RAD50: variants seen among roughly 807,000 people sequenced by gnomAD.
The protein encoded by RAD50 is RAD50 double strand break repair protein.
Under a neutral mutation model 168.8 loss-of-function variants are expected in RAD50, and 132 were observed. That is an observed-to-expected ratio of 0.78 (90% confidence interval 0.68 to 0.90). The LOEUF (loss-of-function observed/expected upper bound fraction) is 0.90. Among genes scored for constraint, RAD50 ranks in the 40% least tolerant of loss-of-function variants. The pLI is 0.00. For missense variants in RAD50, 1,347 were observed against 1,534.4 expected, an observed-to-expected ratio of 0.88 and a Z score of 2.04; for synonymous variants, 525 against 497.4, an observed-to-expected ratio of 1.06 and a Z score of -0.74.
At chr5:132,622,012 C>T (rs1010606329) in intron 21 of RAD50, among the ~76,000 whole-genome samples, 3 of 152,086 alleles carry the variant, frequency 2.0e-5, no homozygotes, top group Admixed American at 2.0e-4. Context: ...CATTGCTTAA[C>T]CCCTCTTGCA....
chr5:132,579,823 C>G, intron 4 of RAD50, 39 bp from the exon 5 acceptor site: 1 of 1,514,934 alleles, frequency 6.6e-7, no homozygotes, highest in African/African-American at 1.4e-5. Context: ...CCATAATTTA[C>G]TTTGCCAGAA....
At chr5:132,577,802 A>AT (rs923754085) in intron 3 of RAD50, among the ~76,000 whole-genome samples, 1,589 of 84,370 alleles carry the variant, frequency 0.019, 150 homozygotes, top group African/African-American at 0.042. Flanking sequence ...CCCATTTCTG[A>AT]TTTTTTTTTT....
At chr5:132,617,990 TA>T in intron 20 of RAD50, 79 bp from the exon 21 acceptor site, 1 of 1,149,826 alleles carries the variant, frequency 8.7e-7, no homozygotes, top group Non-Finnish European at 1.3e-6. Flanking sequence ...TTAACCTATC[TA>T]AAGAAATCTA....
chr5:132,638,364 G>A, intron 23 of RAD50, 141 bp downstream of exon 23: 1 of 993,832 alleles, frequency 1.0e-6, no homozygotes, highest in Non-Finnish European at 1.5e-6. Flanking sequence ...ATCAGGCTCA[G>A]CTACTATTAT....
chr5:132,644,140 A>G lies in RAD50; in HGVS notation c.*1776A>G. 5.4e-6 allele frequency: 1 copy of G among 185,608 alleles called. No homozygotes were observed. The highest frequency in any genetic ancestry group is 8.8e-5 in the East Asian group (1 of 11,352). 11.5% of individuals were successfully genotyped at this position (185,608 alleles called of 1,614,324 possible). A position where few individuals can be genotyped will look rare whatever the true frequency, so the allele number is the denominator to read the frequency against. On this transcript the variant is annotated 3_prime_UTR_variant, in exon 25 of 25. Coordinates refer to ENST00000378823, the MANE Select transcript of RAD50 (RefSeq NM_005732.4). ...ATAACAAAGGCAATACACGATCAAT[A>G]TAGGCAGTGAAACAAAAGTATCATT...
At chr5:132,558,715 CCACA>C (rs1750062619) in intron 1 of RAD50, among the ~76,000 whole-genome samples, 4 of 121,186 alleles carry the variant, frequency 3.3e-5, no homozygotes, top group African/African-American at 1.3e-4. Context: ...CTCTCTCCCC[CCACA>C]AAAAAAAAAA....
intron 21 of RAD50, among the ~76,000 whole-genome samples, chr5:132,619,907 T>C (rs1278970011): frequency 1.5e-5 from 2 of 132,716 alleles, no homozygotes; most frequent in African/African-American, 3.4e-5. Context: ...GAGAGAGATA[T>C]ATCTTTTTTT....
At chr5:132,588,128 G>C (rs1007650941) in intron 7 of RAD50, 39 bp downstream of exon 7, 18 of 1,569,880 alleles carry the variant, frequency 1.1e-5, no homozygotes, top group Non-Finnish European at 1.4e-5. Flanking sequence ...TTCCTACTAT[G>C]ATGTTATACA....
In RAD50 at chr5:132,557,315, G is replaced by T. The variant is rs1750017787; in HGVS notation, c.-10G>T. 1 of 1,614,156 alleles carries T rather than the reference G, an allele frequency of 6.2e-7. No homozygotes were observed. The highest frequency in any genetic ancestry group is 2.2e-5 in the East Asian group (1 of 44,886). On this transcript the variant is annotated 5_prime_UTR_variant, in exon 1 of 25. Coordinates refer to ENST00000378823, the MANE Select transcript of RAD50 (RefSeq NM_005732.4). Reference sequence around the variant, plus strand: ...CCAGGTCCCTGGTGAGATTAGAAACGTTTGCAAACATGTCCCGGATCGAAA... The same window carrying T: ...CCAGGTCCCTGGTGAGATTAGAAACTTTTGCAAACATGTCCCGGATCGAAA...
intron 12 of RAD50, 66 bp from the exon 13 acceptor site, chr5:132,595,507 C>A: frequency 1.0e-6 from 1 of 997,758 alleles, no homozygotes; most frequent in Non-Finnish European, 1.6e-6. Context: ...AAGATACAAC[C>A]GTATTCAGAA....
chr5:132,635,617 G>A (rs549070116), intron 21 of RAD50, among the ~76,000 whole-genome samples: 10 of 152,230 alleles, frequency 6.6e-5, no homozygotes, highest in Non-Finnish European at 1.3e-4. Flanking sequence ...GACTGCACGT[G>A]TGCGCCTTGG....
rs780078592 is a variant in RAD50, at chr5:132,608,620, T to G, written c.2724T>G (p.Ala908=). The G allele has an allele frequency of 1.9e-6, 3 of 1,581,710 alleles. No individual in the cohort carries two copies. In the Admixed American group the frequency reaches 5.1e-5, roughly 27 times the overall value. Reference sequence around the variant, plus strand: ...TATCTTTTTTATATTTTTAGGATGCTAAAGAGCAGGTAAGCCCTTTGGAAA... The same window carrying G: ...TATCTTTTTTATATTTTTAGGATGCGAAAGAGCAGGTAAGCCCTTTGGAAA... ...VQSLYREIKD[A]KEQVSPLETT... is the part of the protein sequence containing the mutation. Residue 908 remains alanine, a synonymous_variant, in exon 17 of 25, where the codon GCT becomes GCG. Transcript: ENST00000378823.
At chr5:132,568,228 G>T (rs572281084) in intron 2 of RAD50, among the ~76,000 whole-genome samples, 20 of 152,060 alleles carry the variant, frequency 1.3e-4, no homozygotes, top group Admixed American at 1.1e-3. Flanking sequence ...CCACGACCAT[G>T]CCCGGCTGAT....
intron 21 of RAD50, among the ~76,000 whole-genome samples, chr5:132,636,428 A>C (rs2040702): frequency 0.02 from 2,987 of 152,302 alleles, 76 homozygotes; most frequent in African/African-American, 0.061. Context: ...ATGGAAGTTA[A>C]TATTTAGAAT....
intron 3 of RAD50, 52 bp downstream of exon 3, chr5:132,575,980 C>A: frequency 6.7e-7 from 1 of 1,499,750 alleles, no homozygotes; most frequent in South Asian, 1.2e-5. Context: ...TCTTTTAGGT[C>A]TGTAAGTTGA....
At chr5:132,572,862 A>G (rs1244605046) in intron 2 of RAD50, among the ~76,000 whole-genome samples, 1 of 152,228 alleles carries the variant, frequency 6.6e-6, no homozygotes, top group East Asian at 1.9e-4. Context: ...TTTCTATTTT[A>G]AAGTCAAGTG....
chr5:132,636,865 T>A (rs1178423816), intron 21 of RAD50, among the ~76,000 whole-genome samples: 2 of 152,114 alleles, frequency 1.3e-5, no homozygotes, highest in African/African-American at 4.8e-5. Flanking sequence ...TCCTAGAGAG[T>A]GAATATGGAG....
chr5:132,616,298 C>CTT (rs942420471), intron 20 of RAD50, among the ~76,000 whole-genome samples, 168 bp downstream of exon 20: 6 of 152,154 alleles, frequency 3.9e-5, no homozygotes, highest in African/African-American at 1.4e-4. Flanking sequence ...GCCTTAAGAA[C>CTT]TTTATTACTG....
intron 13 of RAD50, among the ~76,000 whole-genome samples, chr5:132,601,624 A>C (rs1229912480): frequency 6.6e-6 from 1 of 152,198 alleles, no homozygotes; most frequent in Non-Finnish European, 1.5e-5. Flanking sequence ...GTGGAATACA[A>C]ATACCTCCTA....
Sources: allele counts gnomAD v4.1 joint callset (sites outside exome capture counted in the v4.1 genomes callset), GRCh38; gene constraint gnomAD v4.1.1; transcripts MANE v1.5; gene names NCBI Gene and HGNC (gene_info 2026-07-23, HGNC 2026-07-21).